Variants in DCDC1 observed in about 807,000 individuals in gnomAD.
The protein encoded by DCDC1 is doublecortin domain containing 1.
In DCDC1, 200 loss-of-function variants were observed where a neutral mutation model predicts 178.3. That is an observed-to-expected ratio of 1.12 (90% CI 1.00 to 1.26). The LOEUF is 1.26. DCDC1 is among the 50% of genes most tolerant of loss of function. The pLI is 0.00. For missense variants in DCDC1, 1,983 were observed against 1,749.2 expected (o/e 1.13, Z -2.38); for synonymous variants, 690 against 604.8 (o/e 1.14, Z -2.07).
chr11:31,344,620 T>A (rs1950723221), intron 1 of DCDC1, among the ~76,000 whole-genome samples: 1 of 152,218 alleles, frequency 6.6e-6, no homozygotes, highest in Non-Finnish European at 1.5e-5. Context: ...GTAGGCACCA[T>A]GTGTCAGCTA....
intron 7 of DCDC1, among the ~76,000 whole-genome samples, chr11:31,285,531 G>A (rs991718906): frequency 6.6e-6 from 1 of 152,086 alleles, no homozygotes; most frequent in East Asian, 1.9e-4. Flanking sequence ...TAATTTATGT[G>A]TGAACATTCT....
intron 20 of DCDC1, among the ~76,000 whole-genome samples, chr11:31,049,369 T>G (rs1955087177): frequency 6.6e-6 from 1 of 152,220 alleles, no homozygotes; most frequent in South Asian, 2.1e-4. Flanking sequence ...ATGAGCTTTT[T>G]GTATACATTT....
chr11:31,110,149 A>G, intron 12 of DCDC1, 111 bp downstream of exon 12: 1 of 605,298 alleles, frequency 1.7e-6, no homozygotes, highest in Non-Finnish European at 3.0e-6. Flanking sequence ...GTCTTTACAG[A>G]TCAACAAACC....
At chr11:31,341,209 G>A (rs1001337619) in intron 1 of DCDC1, among the ~76,000 whole-genome samples, 8 of 152,086 alleles carry the variant, frequency 5.3e-5, no homozygotes, top group African/African-American at 1.9e-4. Flanking sequence ...TCAAGACAAA[G>A]TTCTCCAGAA....
At chr11:31,189,758 C>T (rs192157924) in intron 9 of DCDC1, among the ~76,000 whole-genome samples, 1 of 152,244 alleles carries the variant, frequency 6.6e-6, no homozygotes, top group East Asian at 1.9e-4. Flanking sequence ...AAACTCCTGC[C>T]TCCCTCTTAT....
intron 9 of DCDC1, among the ~76,000 whole-genome samples, chr11:31,187,474 C>T: frequency 6.6e-6 from 1 of 152,104 alleles, no homozygotes; most frequent in Non-Finnish European, 1.5e-5. Context: ...CTCATAGTCA[C>T]AACCTCTTCC....
intron 9 of DCDC1, among the ~76,000 whole-genome samples, chr11:31,144,677 A>T (rs978826759): frequency 1.2e-4 from 18 of 151,784 alleles, no homozygotes; most frequent in African/African-American, 4.1e-4. Context: ...CTTTTTTTCT[A>T]TGTATTTTCT....
At chr11:31,175,227 C>T (rs1967833355) in intron 9 of DCDC1, among the ~76,000 whole-genome samples, 1 of 152,192 alleles carries the variant, frequency 6.6e-6, no homozygotes, top group South Asian at 2.1e-4. Context: ...GCCACAGATT[C>T]ACAGGAAGCT....
intron 21 of DCDC1, chr11:30,943,386 C>T (rs1947796677): frequency 1.0e-5 from 2 of 195,828 alleles, no homozygotes; most frequent in South Asian, 8.7e-5. Context: ...ATTCTGGTAG[C>T]TACTTATTAT....
chr11:31,160,039 A>G (rs1276871133), intron 9 of DCDC1, among the ~76,000 whole-genome samples: 1 of 152,166 alleles, frequency 6.6e-6, no homozygotes, highest in African/African-American at 2.4e-5. Context: ...TACTTTCCAT[A>G]AAATTTTAGG....
chr11:31,089,007 ATT>A (rs1957640928), intron 17 of DCDC1, among the ~76,000 whole-genome samples: 1 of 152,112 alleles, frequency 6.6e-6, no homozygotes, highest in Non-Finnish European at 1.5e-5. Flanking sequence ...GCCTAGTAGC[ATT>A]GTTATATTAC....
chr11:31,346,540 GAACA>G (rs769762269), intron 1 of DCDC1, among the ~76,000 whole-genome samples: 3 of 148,320 alleles, frequency 2.0e-5, no homozygotes, highest in Non-Finnish European at 4.5e-5. Context: ...TTCCTGATTT[GAACA>G]AACTTTCTTC....
chr11:31,188,399 A>T (rs1357012820), intron 9 of DCDC1, among the ~76,000 whole-genome samples: 2 of 152,326 alleles, frequency 1.3e-5, no homozygotes, highest in East Asian at 3.9e-4. Context: ...CGCATCAGGA[A>T]CTAGAGATGC....
At chr11:30,943,252 C>T (rs1253992467) in intron 21 of DCDC1, 1 of 152,496 alleles carries the variant, frequency 6.6e-6, no homozygotes, top group African/African-American at 2.4e-5. Context: ...GAGTCCAGCT[C>T]TTAACCAGCA....
chr11:31,066,254 G>T (rs982999891), intron 18 of DCDC1, among the ~76,000 whole-genome samples: 4 of 152,180 alleles, frequency 2.6e-5, no homozygotes, highest in African/African-American at 9.6e-5. Context: ...TTACATGGAA[G>T]TAATTTCCCA....
intron 20 of DCDC1, among the ~76,000 whole-genome samples, chr11:30,968,032 C>A (rs1034804420): frequency 1.2e-4 from 19 of 152,092 alleles, no homozygotes; most frequent in Admixed American, 1.2e-3. Context: ...TTGGGAAACA[C>A]CATCCAACAC....
At chr11:31,216,353 C>T (rs1973561144) in intron 9 of DCDC1, among the ~76,000 whole-genome samples, 1 of 152,056 alleles carries the variant, frequency 6.6e-6, no homozygotes, top group African/African-American at 2.4e-5. Context: ...TAAATTTATG[C>T]TGTAAAAGCT....
At chr11:31,103,572 T>G in intron 14 of DCDC1, 72 bp downstream of exon 14, 1 of 647,564 alleles carries the variant, frequency 1.5e-6, no homozygotes, top group Admixed American at 2.7e-5. Context: ...AATCTCTTAC[T>G]CTGAAAAATC....
intron 20 of DCDC1, among the ~76,000 whole-genome samples, chr11:31,022,315 T>C (rs919477421): frequency 7.9e-5 from 12 of 152,148 alleles, no homozygotes; most frequent in African/African-American, 2.2e-4. Flanking sequence ...TCTGCCTCTA[T>C]TGACAGATAG....
Sources: gnomAD v4.1 joint callset for allele counts (sites outside exome capture counted in the v4.1 genomes callset) on GRCh38, gnomAD v4.1.1 for gene constraint, MANE v1.5 for transcripts, NCBI Gene and HGNC (gene_info 2026-07-23, HGNC 2026-07-21) for gene names.